LMX1A: variants seen among roughly 807,000 people sequenced by gnomAD.
The protein encoded by LMX1A is LIM homeobox transcription factor 1-alpha.
A neutral mutation model predicts 49.1 loss-of-function variants in LMX1A; 15 were observed. That is an observed-to-expected ratio of 0.31 (90% CI 0.20 to 0.47). LMX1A has a LOEUF of 0.47. LMX1A is among the 20% of genes least tolerant of loss of function. The pLI, the probability that LMX1A is intolerant of heterozygous loss-of-function variation, is 1.00. For synonymous variants in LMX1A, 167 were observed against 185.7 expected, an observed-to-expected ratio of 0.90 and a Z score of 0.82; for missense variants, 372 against 475.8, an observed-to-expected ratio of 0.78 and a Z score of 2.03.
intron 3 of LMX1A, among the ~76,000 whole-genome samples, chr1:165,260,007 G>A (rs893719073): frequency 2.0e-5 from 3 of 152,134 alleles, no homozygotes; most frequent in African/African-American, 4.8e-5. Context: ...CTCAAGCCAA[G>A]GTGGCACAAC....
chr1:165,342,279 A>G (rs1042432480), intron 3 of LMX1A, among the ~76,000 whole-genome samples: 1 of 152,230 alleles, frequency 6.6e-6, no homozygotes. Context: ...TGAAAATACA[A>G]CACAGTTCAG....
intron 3 of LMX1A, among the ~76,000 whole-genome samples, chr1:165,279,306 A>G (rs1434001488): frequency 6.6e-6 from 1 of 152,230 alleles, no homozygotes; most frequent in Non-Finnish European, 1.5e-5. Context: ...GCGGTCAGCA[A>G]GCACAGGCCT....
chr1:165,353,768 G>A (rs1255445644), intron 2 of LMX1A, among the ~76,000 whole-genome samples: 1 of 152,146 alleles, frequency 6.6e-6, no homozygotes, highest in East Asian at 1.9e-4. Flanking sequence ...AGTCCTGGGG[G>A]TACAGAAAAA....
At chr1:165,305,350 G>A (rs1654892526) in intron 3 of LMX1A, among the ~76,000 whole-genome samples, 1 of 152,196 alleles carries the variant, frequency 6.6e-6, no homozygotes, top group Non-Finnish European at 1.5e-5. Context: ...AGAGGAAAGA[G>A]AGATGAAGGG....
At chr1:165,205,832 G>A (rs1422120399) in intron 8 of LMX1A, 32 bp downstream of exon 8, 4 of 1,606,214 alleles carry the variant, frequency 2.5e-6, no homozygotes, top group East Asian at 2.2e-5. Flanking sequence ...CACAAGTTAT[G>A]AGAGGGCCCG....
intron 3 of LMX1A, among the ~76,000 whole-genome samples, chr1:165,253,304 GTA>G (rs1653123055): frequency 6.6e-6 from 1 of 152,188 alleles, no homozygotes; most frequent in East Asian, 1.9e-4. Context: ...TAAAGCTATA[GTA>G]TATATAATTA....
intron 3 of LMX1A, among the ~76,000 whole-genome samples, chr1:165,330,293 G>C (rs1193350957): frequency 1.3e-5 from 2 of 152,178 alleles, no homozygotes; most frequent in East Asian, 3.9e-4. Context: ...GGGCAACATA[G>C]AGAGATCCTG....
chr1:165,318,232 G>T (rs1021155864), intron 3 of LMX1A, among the ~76,000 whole-genome samples: 6 of 152,176 alleles, frequency 3.9e-5, no homozygotes, highest in Admixed American at 6.5e-5. Flanking sequence ...CATGAGGAAA[G>T]AGCAGTTTAC....
chr1:165,235,849 T>C lies in LMX1A; in HGVS notation c.496+13559A>G, dbSNP rs576837489. On this transcript the variant is annotated intron_variant, in intron 4 of 8. Transcript: ENST00000342310. ...GGCTTTGGAGATTATGGGGAACATATGGCCCTACCGCCGGGCTCTTTATCT... is the reference window on the plus strand; with the variant it reads ...GGCTTTGGAGATTATGGGGAACATACGGCCCTACCGCCGGGCTCTTTATCT... Among the ~76,000 whole-genome samples, 281 of 152,308 alleles carry C rather than the reference T, an allele frequency of 1.8e-3. 4 individuals carry two copies. The highest frequency in any genetic ancestry group is 6.5e-3 in the African/African-American group (272 of 41,560).
At chr1:165,260,861 G>T (rs573683621) in intron 3 of LMX1A, among the ~76,000 whole-genome samples, 1 of 152,134 alleles carries the variant, frequency 6.6e-6, no homozygotes. Context: ...TCTAACTGAC[G>T]GGTGGAAAAT....
intron 4 of LMX1A, 76 bp from the exon 5 acceptor site, chr1:165,213,889 C>T: frequency 7.7e-7 from 1 of 1,291,478 alleles, no homozygotes; most frequent in Non-Finnish European, 1.1e-6. Flanking sequence ...CATAGCAAGG[C>T]CTCCAGGTCC....
At chr1:165,306,239 T>A (rs1263311538) in intron 3 of LMX1A, among the ~76,000 whole-genome samples, 1 of 152,242 alleles carries the variant, frequency 6.6e-6, no homozygotes, top group Non-Finnish European at 1.5e-5. Flanking sequence ...TTTTAGATTA[T>A]CACTTAATAA....
intron 3 of LMX1A, among the ~76,000 whole-genome samples, chr1:165,250,217 A>G (rs1393837162): frequency 6.6e-6 from 1 of 152,164 alleles, no homozygotes; most frequent in Non-Finnish European, 1.5e-5. Context: ...CATCCTGCAC[A>G]TGTACCCCAG....
chr1:165,273,270 C>T (rs1345216871), intron 3 of LMX1A, among the ~76,000 whole-genome samples: 3 of 152,288 alleles, frequency 2.0e-5, no homozygotes, highest in Non-Finnish European at 4.4e-5. Flanking sequence ...ACTCATACCC[C>T]AAGCCCTTCC....
In LMX1A at chr1:165,228,512, T is replaced by C. The variant is rs984066343; in HGVS notation, c.497-14699A>G. 3.3e-5 allele frequency among the ~76,000 whole-genome samples: 5 copies of C among 152,320 alleles called. No individual in the cohort carries two copies. The East Asian group carries it at 9.6e-4, about 29-fold the overall frequency. ...TCCCCAGGCTGGCCCCAGGATGATT[T>C]AGTTCTTCAGGGTGACAAAGGATTT... On this transcript the variant is annotated intron_variant, in intron 4 of 8. Coordinates refer to ENST00000342310, the MANE Select transcript of LMX1A (RefSeq NM_177398.4).
intron 3 of LMX1A, among the ~76,000 whole-genome samples, chr1:165,349,787 G>A (rs576383328): frequency 1.3e-5 from 2 of 152,246 alleles, no homozygotes; most frequent in African/African-American, 2.4e-5. Flanking sequence ...CATTGTAAAG[G>A]TGTAATAGCT....
intron 3 of LMX1A, among the ~76,000 whole-genome samples, chr1:165,314,381 C>T (rs1318121427): frequency 6.6e-6 from 1 of 152,178 alleles, no homozygotes; most frequent in Non-Finnish European, 1.5e-5. Context: ...ATCTTAAGTG[C>T]AGGGTGCTCC....
chr1:165,258,651 T>G (rs1361017281), intron 3 of LMX1A, among the ~76,000 whole-genome samples: 1 of 152,138 alleles, frequency 6.6e-6, no homozygotes, highest in Non-Finnish European at 1.5e-5. Context: ...TCCCAGAGGC[T>G]CCGCAAGGCA....
chr1:165,208,984 G>A (rs1651240862), intron 6 of LMX1A, among the ~76,000 whole-genome samples: 1 of 152,168 alleles, frequency 6.6e-6, no homozygotes, highest in South Asian at 2.1e-4. Flanking sequence ...TTCTCAAACT[G>A]TGTTCCATAG....
Sources: gnomAD v4.1 joint callset for allele counts (sites outside exome capture counted in the v4.1 genomes callset) on GRCh38, gnomAD v4.1.1 for gene constraint, MANE v1.5 for transcripts, NCBI Gene and HGNC (gene_info 2026-07-23, HGNC 2026-07-21) for gene names.